The following GATD1 variants were observed in gnomAD, a reference collection of about 807,000 sequenced individuals.
GATD1 encodes the protein glutamine amidotransferase class 1 domain containing 1, also known as glutamine amidotransferase-like class 1 domain-containing protein 1.
In GATD1, 23 loss-of-function variants were observed where a neutral mutation model predicts 25.9. The observed-to-expected ratio is 0.89, with a 90% CI of 0.64 to 1.26. The LOEUF (loss-of-function observed/expected upper bound fraction) is 1.26, where lower values mean the gene tolerates loss of function less well. Among genes scored for constraint, GATD1 ranks in the 50% most tolerant of loss-of-function variants. The pLI, the probability that GATD1 is intolerant of heterozygous loss-of-function variation, is 0.00. For synonymous variants in GATD1, 177 were observed against 134.6 expected, an observed-to-expected ratio of 1.31 and a Z score of -2.18; for missense variants, 347 against 312.5, an observed-to-expected ratio of 1.11 and a Z score of -0.83.
rs542643024 is a variant in GATD1, at chr11:767,531, C to T, written c.*3366G>A. ...ACTTCACATCCCAAAGCCCCACCTG[C>T]TTTGATCTTCAATGCTGGGCTCAAT... On this transcript the variant is annotated 3_prime_UTR_variant, in exon 8 of 8. Transcript: ENST00000319863. 7.0e-7 allele frequency: 1 copy of T among 1,425,600 alleles called. No homozygotes were observed. The highest frequency in any genetic ancestry group is 1.4e-5 in the African/African-American group (1 of 69,632). The allele number at this position is 1,425,600 out of a possible 1,614,324, so 88.3% of individuals were successfully genotyped here.
chr11:775,131 G>A lies in GATD1; in HGVS notation c.76C>T (p.Gln26Ter). Residue 26 changes from glutamine (Q) to a stop codon, truncating the protein, a stop_gained, in exon 2 of 8, where the codon CAG (glutamine) becomes TAG (stop). Coordinates refer to ENST00000319863, the MANE Select transcript of GATD1 (RefSeq NM_182612.4). LOFTEE classifies it high-confidence loss of function. ...ATCGTGAAACAGTGGAGGAAGGACT[G>A]GGCCGACACACCTGCAGAAGGTCCC... ...ASGAAEGVSA[Q>*]SFLHCFTMAS... 6.2e-7 allele frequency: 1 copy of A among 1,602,948 alleles called. No homozygotes were observed. The highest frequency in any genetic ancestry group is 1.1e-5 in the South Asian group (1 of 88,568).
rs977127296 is a variant in GATD1 at position 769,935 on chromosome 11, T to C, written c.*962A>G. The C allele has an allele frequency of 5.0e-5, 50 of 998,778 alleles. No homozygotes were observed. In the African/African-American group the frequency reaches 7.8e-4, roughly 16 times the overall value. The allele number at this position is 998,778 out of a possible 1,614,324, so 61.9% of individuals were successfully genotyped here. A position where few individuals can be genotyped will look rare whatever the true frequency, so the allele number is the denominator to read the frequency against. ...CCGGCCCAACTGAACGGTTTTATAA[T>C]CACAAGGGGCCTCCTGGCAGGTCAC... is the stretch of plus-strand genomic sequence containing the variant. On this transcript the variant is annotated 3_prime_UTR_variant, in exon 8 of 8. Coordinates refer to ENST00000319863, the MANE Select transcript of GATD1 (RefSeq NM_182612.4).
At chr11:777,311 C>T in intron 1 of GATD1, 88 bp downstream of exon 1, 2 of 1,069,628 alleles carry the variant, frequency 1.9e-6, no homozygotes, top group Non-Finnish European at 1.2e-6. Flanking sequence ...CGCCACGTGA[C>T]GCGCGCCCAC....
At chr11:777,301 C>T (rs1410024982) in intron 1 of GATD1, 98 bp downstream of exon 1, 3 of 1,006,426 alleles carry the variant, frequency 3.0e-6, no homozygotes, top group African/African-American at 3.4e-5. Context: ...CGGCCTCCGG[C>T]GCCACGTGAC....
chr11:775,661 C>T (rs1257345887), intron 1 of GATD1, among the ~76,000 whole-genome samples: 1 of 152,220 alleles, frequency 6.6e-6, no homozygotes, highest in African/African-American at 2.4e-5. Context: ...TGTCCTGGCC[C>T]CCCCTCACCC....
chr11:773,908 G>A (rs1863698999), intron 3 of GATD1, 100 bp downstream of exon 3: 8 of 1,036,728 alleles, frequency 7.7e-6, no homozygotes, highest in South Asian at 7.1e-5. Context: ...GGCTTCAGGG[G>A]CTGAGCTAGG....
rs954191363 is a variant in GATD1, at chr11:769,025, C to T, written c.*1872G>A. 4.1e-5 allele frequency: 23 copies of T among 567,000 alleles called. No homozygotes were observed. The highest frequency in any genetic ancestry group is 5.1e-5 in the Non-Finnish European group (23 of 447,980). 35.1% of individuals were successfully genotyped at this position (567,000 alleles called of 1,614,324 possible). On this transcript the variant is annotated 3_prime_UTR_variant, in exon 8 of 8. Transcript: ENST00000319863. ...CTGAGGCAGGAGAATCGCTTGAACC[C>T]GGGAGACAGAGGTTGCAGTGAGCCA...
chr11:773,424 C>G lies in GATD1; in HGVS notation c.355+98G>C, dbSNP rs537255257. On this transcript the variant is annotated intron_variant, in intron 4 of 7. Transcript: ENST00000319863. Reference sequence around the variant, plus strand: ...CCACTGACCAGAGATCCAGAAACGCCTACCTGGAGTCTTCCCACCTCTCTT... The same window carrying G: ...CCACTGACCAGAGATCCAGAAACGCGTACCTGGAGTCTTCCCACCTCTCTT... The G allele has an allele frequency of 2.1e-4, 216 of 1,020,120 alleles. 3 individuals carry two copies. The Middle Eastern group carries it at 3.7e-3, about 17-fold the overall frequency. 63.2% of individuals were successfully genotyped at this position (1,020,120 alleles called of 1,614,324 possible).
Position 769,659 on chromosome 11 carries a change from G to C in GATD1, c.*1238C>G, listed in dbSNP as rs1047243362. On this transcript the variant is annotated 3_prime_UTR_variant, in exon 8 of 8. Coordinates refer to ENST00000319863, the MANE Select transcript of GATD1 (RefSeq NM_182612.4). Reference sequence around the variant, plus strand: ...GAGTCTCACTCTATTGCCCAGGCTGGAGTGCAGTGGCACGATCTCAGCTCA... The same window carrying C: ...GAGTCTCACTCTATTGCCCAGGCTGCAGTGCAGTGGCACGATCTCAGCTCA... 6.5e-6 allele frequency: 1 copy of C among 152,802 alleles called. No individual in the cohort carries two copies. Among genetic ancestry groups the C allele is most frequent in the Non-Finnish European group, 1.4e-5 (1 of 69,648 alleles). 9.5% of individuals were successfully genotyped at this position (152,802 alleles called of 1,614,324 possible). A position where few individuals can be genotyped will look rare whatever the true frequency, so the allele number is the denominator to read the frequency against.
intron 1 of GATD1, among the ~76,000 whole-genome samples, chr11:775,380 G>A (rs1278591548): frequency 6.6e-6 from 1 of 152,214 alleles, no homozygotes; most frequent in Admixed American, 6.5e-5. Context: ...CTGCCAGAAC[G>A]GTAGGCCATC....
chr11:774,957 C>A, intron 2 of GATD1, 109 bp downstream of exon 2: 1 of 979,634 alleles, frequency 1.0e-6, no homozygotes, highest in South Asian at 1.5e-5. Flanking sequence ...CCACCAACTG[C>A]AGGGGCTCCC....
intron 5 of GATD1, 138 bp from the exon 6 acceptor site, chr11:771,564 G>A: frequency 1.4e-6 from 2 of 1,409,112 alleles, no homozygotes; most frequent in Non-Finnish European, 1.8e-6. Flanking sequence ...AACAGGGACA[G>A]CTGCTAAGGC....
At chr11:775,274 G>C in intron 1 of GATD1, 132 bp from the exon 2 acceptor site, 2 of 699,750 alleles carry the variant, frequency 2.9e-6, no homozygotes, top group South Asian at 4.1e-5. Flanking sequence ...CTACACCCAA[G>C]AACGACTACT....
chr11:772,468 C>T lies in GATD1; in HGVS notation c.409G>A (p.Glu137Lys), dbSNP rs150173703. Residue 137 changes from glutamate to lysine, a missense_variant, in exon 5 of 8, where the codon GAG becomes AAG. Transcript: ENST00000319863. Reference protein sequence around the residue: ...GVAALCCATNEDRSWVFDSYS... With the variant: ...GVAALCCATNKDRSWVFDSYS... ...CTGTCGAACACCCAGGATCTGTCCTCGTTGGTGGCACAGCACAGGGCGGCG... is the reference window on the plus strand; with the variant it reads ...CTGTCGAACACCCAGGATCTGTCCTTGTTGGTGGCACAGCACAGGGCGGCG... The T allele has an allele frequency of 8.1e-6, 13 of 1,613,222 alleles. No homozygotes were observed. Among genetic ancestry groups the T allele is most frequent in the African/African-American group, 1.3e-5 (1 of 74,940 alleles).
rs980753627 is a variant in GATD1, at chr11:769,151, A to G, written c.*1746T>C. Reference sequence around the variant, plus strand: ...TTTGTCCACAGAGGTCCATCACCACACGGGGATGAGAGTGGACCCGGGACA... The same window carrying G: ...TTTGTCCACAGAGGTCCATCACCACGCGGGGATGAGAGTGGACCCGGGACA... On this transcript the variant is annotated 3_prime_UTR_variant, in exon 8 of 8. Transcript: ENST00000319863. 2.0e-6 allele frequency: 2 copies of G among 985,178 alleles called. No individual in the cohort carries two copies. The highest frequency in any genetic ancestry group is 3.5e-5 in the African/African-American group (2 of 57,194). 61.0% of individuals were successfully genotyped at this position (985,178 alleles called of 1,614,324 possible).
At position 772,582 on chromosome 11, in the gene GATD1, C is replaced by A; in HGVS notation, c.356-61G>T. On this transcript the variant is annotated intron_variant, in intron 4 of 7. Transcript: ENST00000319863. The stretch of plus-strand genomic sequence containing the variant: ...CGCCACCCGCACCCTGAAGCCCCTC[C>A]CAGATGCCCCTGCTTGTGGCTCCCC... 6 of 1,469,622 alleles carry A rather than the reference C, an allele frequency of 4.1e-6. No individual in the cohort carries two copies. In the Admixed American group the frequency reaches 8.5e-5, roughly 21 times the overall value. The allele number at this position is 1,469,622 out of a possible 1,614,324, so 91.0% of individuals were successfully genotyped here.
At chr11:777,300 G>A in intron 1 of GATD1, 99 bp downstream of exon 1, 1 of 1,001,338 alleles carries the variant, frequency 1.0e-6, no homozygotes, top group Non-Finnish European at 1.3e-6. Context: ...TCGGCCTCCG[G>A]CGCCACGTGA....
rs1034614922 is a variant in GATD1 at position 767,577 on chromosome 11, G to A, written c.*3320C>T. On this transcript the variant is annotated 3_prime_UTR_variant, in exon 8 of 8. Transcript: ENST00000319863. ...TCAATGTCAGATCTGGCTGACCAGA[G>A]GGGCTCAATGAGGCTCACTGGCTCT... The A allele has an allele frequency of 1.8e-5, 26 of 1,408,952 alleles. No homozygotes were observed. In the African/African-American group the frequency reaches 2.9e-4, roughly 16 times the overall value. The allele number at this position is 1,408,952 out of a possible 1,614,324, so 87.3% of individuals were successfully genotyped here. A position where few individuals can be genotyped will look rare whatever the true frequency, so the allele number is the denominator to read the frequency against.
Position 770,375 on chromosome 11 carries a change from C to T in GATD1, c.*522G>A. 6.5e-7 allele frequency: 1 copy of T among 1,532,786 alleles called. No homozygotes were observed. Among genetic ancestry groups the T allele is most frequent in the Non-Finnish European group, 8.7e-7 (1 of 1,145,528 alleles). The allele number at this position is 1,532,786 out of a possible 1,614,324, so 94.9% of individuals were successfully genotyped here. ...GGAAAGTGCTGCCAGTGCCGGTCGG[C>T]CTTGGGGCAGGAGGCTGCTGCTCCT... On this transcript the variant is annotated 3_prime_UTR_variant, in exon 8 of 8. Coordinates refer to ENST00000319863, the MANE Select transcript of GATD1 (RefSeq NM_182612.4).
Sources: allele counts gnomAD v4.1 joint callset (sites outside exome capture counted in the v4.1 genomes callset), GRCh38; gene constraint gnomAD v4.1.1; transcripts MANE v1.5; gene names NCBI Gene and HGNC (gene_info 2026-07-23, HGNC 2026-07-21).